Variants in KCTD16 observed in about 807,000 individuals in gnomAD.
The protein encoded by KCTD16 is potassium channel tetramerization domain containing 16.
KCTD16 carries 13 observed loss-of-function variants against 33.2 expected under a neutral mutation model. The observed-to-expected ratio is 0.39, with a 90% CI of 0.25 to 0.62. KCTD16 has a LOEUF of 0.62. Among genes scored for constraint, KCTD16 ranks in the 20% least tolerant of loss-of-function variants. The pLI, the probability that KCTD16 is intolerant of heterozygous loss-of-function variation, is 0.50. For synonymous variants in KCTD16, 197 were observed against 195.3 expected, an observed-to-expected ratio of 1.01 and a Z score of -0.07; for missense variants, 441 against 525.1, an observed-to-expected ratio of 0.84 and a Z score of 1.57.
chr5:144,447,566 GAAAA>G (rs1193267396), intron 3 of KCTD16, among the ~76,000 whole-genome samples: 1 of 151,232 alleles, frequency 6.6e-6, no homozygotes, highest in Non-Finnish European at 1.5e-5. Context: ...TTTAAAAAAA[GAAAA>G]AAGAAAAAAC....
intron 3 of KCTD16, among the ~76,000 whole-genome samples, chr5:144,464,618 C>A (rs745897701): frequency 5.3e-5 from 8 of 152,208 alleles, no homozygotes; most frequent in Non-Finnish European, 1.2e-4. Flanking sequence ...TACTATCACA[C>A]ATGACATGTG....
chr5:144,406,956 C>T (rs1436761097), intron 3 of KCTD16, among the ~76,000 whole-genome samples: 1 of 152,112 alleles, frequency 6.6e-6, no homozygotes, highest in Non-Finnish European at 1.5e-5. Context: ...ACTTCCAATA[C>T]AGGGCACCAG....
chr5:144,375,684 T>A (rs1438640223), intron 3 of KCTD16, among the ~76,000 whole-genome samples: 1 of 152,164 alleles, frequency 6.6e-6, no homozygotes, highest in East Asian at 1.9e-4. Context: ...TGTGTCTTTT[T>A]GTTCCAGAGG....
intron 3 of KCTD16, among the ~76,000 whole-genome samples, chr5:144,290,162 G>A (rs1755856057): frequency 6.6e-6 from 1 of 152,052 alleles, no homozygotes; most frequent in Non-Finnish European, 1.5e-5. Flanking sequence ...AGGCAAGGAG[G>A]CGCATGTCTG....
chr5:144,362,265 C>G (rs552837421), intron 3 of KCTD16, among the ~76,000 whole-genome samples: 1 of 152,252 alleles, frequency 6.6e-6, no homozygotes, highest in African/African-American at 2.4e-5. Context: ...GTGTATGGAG[C>G]TGAATCCCTA....
intron 3 of KCTD16, among the ~76,000 whole-genome samples, chr5:144,237,152 T>C (rs2126817892): frequency 6.6e-6 from 1 of 152,222 alleles, no homozygotes; most frequent in East Asian, 1.9e-4. Flanking sequence ...TCTCCTACTC[T>C]GAAATTCTGG....
At chr5:144,368,458 G>T (rs1046369003) in intron 3 of KCTD16, among the ~76,000 whole-genome samples, 12 of 152,142 alleles carry the variant, frequency 7.9e-5, no homozygotes, top group Admixed American at 3.9e-4. Flanking sequence ...TTTAGGAGCA[G>T]ATTGTGGCCC....
At chr5:144,423,311 C>T (rs1413845747) in intron 3 of KCTD16, among the ~76,000 whole-genome samples, 2 of 152,054 alleles carry the variant, frequency 1.3e-5, no homozygotes, top group Admixed American at 6.6e-5. Context: ...AAGGGAGTGA[C>T]ATAATTGGTT....
chr5:144,384,811 A>G (rs1369478598), intron 3 of KCTD16, among the ~76,000 whole-genome samples: 1 of 152,172 alleles, frequency 6.6e-6, no homozygotes, highest in Non-Finnish European at 1.5e-5. Context: ...TTGTTTCCTA[A>G]TGATGGTCAC....
In KCTD16 at chr5:144,402,430, C is replaced by T. The variant is rs58577579; in HGVS notation, c.833-71230C>T. ...CTTTCTGTCCTGTGTCGAGTGAGGT[C>T]GTCTACCTCACTGCAGATGGGTGCA... On this transcript the variant is annotated intron_variant, in intron 3 of 3. Transcript: ENST00000512467. Among the ~76,000 whole-genome samples, 248 of 152,186 alleles carry T rather than the reference C, an allele frequency of 1.6e-3. 1 individual carries two copies. The highest frequency in any genetic ancestry group is 5.3e-3 in the African/African-American group (219 of 41,492).
At chr5:144,424,022 T>A (rs961270380) in intron 3 of KCTD16, among the ~76,000 whole-genome samples, 2 of 152,128 alleles carry the variant, frequency 1.3e-5, no homozygotes, top group Non-Finnish European at 2.9e-5. Context: ...GGGTTGGACA[T>A]CCATGCTTTA....
chr5:144,254,948 G>T (rs1273715440), intron 3 of KCTD16, among the ~76,000 whole-genome samples: 1 of 151,926 alleles, frequency 6.6e-6, no homozygotes, highest in Non-Finnish European at 1.5e-5. Context: ...AATTTTTGTA[G>T]GGATGGGGGT....
chr5:144,312,469 C>T (rs569858053), intron 3 of KCTD16, among the ~76,000 whole-genome samples: 1 of 152,278 alleles, frequency 6.6e-6, no homozygotes, highest in African/African-American at 2.4e-5. Context: ...GCTGCCTGTA[C>T]TTGTGGAAGG....
At chr5:144,455,908 C>T (rs1306975919) in intron 3 of KCTD16, among the ~76,000 whole-genome samples, 1 of 152,088 alleles carries the variant, frequency 6.6e-6, no homozygotes, top group Non-Finnish European at 1.5e-5. Context: ...ACACTGTGCC[C>T]AGTATTTGAA....
At chr5:144,425,082 G>A (rs1256665233) in intron 3 of KCTD16, among the ~76,000 whole-genome samples, 3 of 152,024 alleles carry the variant, frequency 2.0e-5, no homozygotes, top group African/African-American at 7.2e-5. Flanking sequence ...TCATCCTGAG[G>A]CAAATTTATT....
At chr5:144,432,732 A>G (rs1248051795) in intron 3 of KCTD16, among the ~76,000 whole-genome samples, 7 of 152,004 alleles carry the variant, frequency 4.6e-5, no homozygotes, top group Admixed American at 4.6e-4. Context: ...TGCTAATGTA[A>G]TTTTATTATT....
At chr5:144,428,991 T>C (rs1196786770) in intron 3 of KCTD16, among the ~76,000 whole-genome samples, 1 of 152,186 alleles carries the variant, frequency 6.6e-6, no homozygotes, top group Non-Finnish European at 1.5e-5. Flanking sequence ...CAAGATTGTG[T>C]GTTCTGCTGC....
At chr5:144,195,208 G>T (rs56318772) in intron 2 of KCTD16, among the ~76,000 whole-genome samples, 32,666 of 152,092 alleles carry the variant, frequency 0.21, 3,715 homozygotes, top group East Asian at 0.41. Context: ...TCTCTTCCTG[G>T]AAATTATCAC....
intron 3 of KCTD16, among the ~76,000 whole-genome samples, chr5:144,313,155 G>T (rs187091256): frequency 7.2e-5 from 11 of 152,318 alleles, no homozygotes; most frequent in Admixed American, 6.5e-4. Flanking sequence ...GTAAAAGTGA[G>T]TAGGAATGTT....
Sources: allele counts gnomAD v4.1 joint callset (sites outside exome capture counted in the v4.1 genomes callset), GRCh38; gene constraint gnomAD v4.1.1; transcripts MANE v1.5; gene names NCBI Gene and HGNC (gene_info 2026-07-23, HGNC 2026-07-21).